The following FARP1 variants were observed in gnomAD, a reference collection of about 807,000 sequenced individuals.
FARP1 encodes FERM, ARHGEF and pleckstrin domain-containing protein 1.
A neutral mutation model predicts 128.8 loss-of-function variants in FARP1; 52 were observed. The ratio of observed to expected loss-of-function variants is 0.40; its 90% CI spans 0.32 to 0.51. The LOEUF is 0.51. FARP1 is among the 20% of genes least tolerant of loss of function. The probability of loss-of-function intolerance (pLI) is 0.45; values close to 1 mark genes in which losing one functional copy is unlikely to be tolerated. For missense variants in FARP1, 1,333 were observed against 1,367.9 expected (o/e 0.97, Z 0.40); for synonymous variants, 580 against 551.8 (o/e 1.05, Z -0.72).
chr13:98,193,470 G>A (rs548569791), intron 1 of FARP1, among the ~76,000 whole-genome samples: 1 of 151,306 alleles, frequency 6.6e-6, no homozygotes, highest in Non-Finnish European at 1.5e-5. Flanking sequence ...CTTGTGTAGA[G>A]CAATGGTGTA....
intron 19 of FARP1, among the ~76,000 whole-genome samples, chr13:98,438,257 G>A (rs1462259739): frequency 6.6e-6 from 1 of 152,162 alleles, no homozygotes; most frequent in Non-Finnish European, 1.5e-5. Context: ...TCATTGAGAA[G>A]CAGGGTTTTC....
intron 2 of FARP1, among the ~76,000 whole-genome samples, chr13:98,218,882 A>C (rs188619271): frequency 6.6e-6 from 1 of 152,202 alleles, no homozygotes; most frequent in Non-Finnish European, 1.5e-5. Context: ...GAGAAGACCT[A>C]AAGTTTTTGA....
intron 5 of FARP1, among the ~76,000 whole-genome samples, chr13:98,377,342 T>G (rs9584825): frequency 0.32 from 46,181 of 146,546 alleles, 7,880 homozygotes; most frequent in African/African-American, 0.44. Flanking sequence ...TTACAAATCT[T>G]GTAACTGGGT....
intron 2 of FARP1, among the ~76,000 whole-genome samples, chr13:98,285,241 A>T (rs1380633864): frequency 1.3e-5 from 2 of 152,146 alleles, no homozygotes; most frequent in African/African-American, 2.4e-5. Flanking sequence ...AAAAAATTTT[A>T]AAATATGGAA....
Position 98,156,539 on chromosome 13 carries a change from G to A in FARP1, c.-24+13047G>A, listed in dbSNP as rs1393976152. ...CCTCCCACTCCAGCTTTCCAAAGTG[G>A]TGGGATTACAGGCATGAGCCAGTGT... On this transcript the variant is annotated intron_variant, in intron 1 of 26. Coordinates refer to ENST00000319562, the MANE Select transcript of FARP1 (RefSeq NM_005766.4). Among the ~76,000 whole-genome samples, 13 of 152,108 alleles carry A rather than the reference G, an allele frequency of 8.5e-5. No homozygotes were observed. The South Asian group carries it at 2.7e-3, about 32-fold the overall frequency.
chr13:98,334,806 C>G (rs1187503519), intron 2 of FARP1, among the ~76,000 whole-genome samples: 6 of 152,186 alleles, frequency 3.9e-5, no homozygotes, highest in Admixed American at 6.5e-5. Context: ...TGTGAGGACA[C>G]AAGGAGAAGG....
At chr13:98,220,818 A>G (rs1881371161) in intron 2 of FARP1, among the ~76,000 whole-genome samples, 1 of 152,114 alleles carries the variant, frequency 6.6e-6, no homozygotes, top group African/African-American at 2.4e-5. Flanking sequence ...TAGCTCTGAT[A>G]TGCTTGCAGT....
rs773486104 is a variant in FARP1, at chr13:98,368,112, T to A, written c.320-5T>A. The A allele has an allele frequency of 6.2e-7, 1 of 1,612,026 alleles. No individual in the cohort carries two copies. On this transcript the variant is annotated splice_polypyrimidine_tract_variant and splice_region_variant and intron_variant, in intron 4 of 26. Coordinates refer to ENST00000319562, the MANE Select transcript of FARP1 (RefSeq NM_005766.4). ...TGCTTTACTTCTTTTTTTCTTCTTCTTTAGGGCCAAAGCACGTTGTTGTTA... is the reference window on the plus strand; with the variant it reads ...TGCTTTACTTCTTTTTTTCTTCTTCATTAGGGCCAAAGCACGTTGTTGTTA...
intron 3 of FARP1, among the ~76,000 whole-genome samples, chr13:98,352,770 G>C (rs1293282410): frequency 6.6e-6 from 1 of 152,184 alleles, no homozygotes; most frequent in African/African-American, 2.4e-5. Flanking sequence ...AGAAACTACA[G>C]GGAAGATGAT....
At chr13:98,332,582 G>A (rs1268652092) in intron 2 of FARP1, 1 of 152,220 alleles carries the variant, frequency 6.6e-6, no homozygotes, top group African/African-American at 2.4e-5. Context: ...CCGGAAAGCT[G>A]TGTTTTCATA....
At chr13:98,181,391 G>A (rs1467932649) in intron 1 of FARP1, among the ~76,000 whole-genome samples, 1 of 152,124 alleles carries the variant, frequency 6.6e-6, no homozygotes, top group Non-Finnish European at 1.5e-5. Flanking sequence ...ATAGACTTAA[G>A]TTTAGATTTT....
chr13:98,345,663 A>C (rs1393668580), intron 3 of FARP1: 2 of 152,216 alleles, frequency 1.3e-5, no homozygotes, highest in Non-Finnish European at 1.5e-5. Context: ...AGTGCTTCCT[A>C]TGTGCTGGAG....
At chr13:98,165,565 A>G (rs1877187306) in intron 1 of FARP1, among the ~76,000 whole-genome samples, 1 of 151,846 alleles carries the variant, frequency 6.6e-6, no homozygotes, top group Non-Finnish European at 1.5e-5. Flanking sequence ...GAAAATTTAC[A>G]GGGGAAAGTT....
At position 98,440,113 on chromosome 13, in the gene FARP1, C is replaced by CT. The variant is rs756082447; in HGVS notation, c.2517-9dup. ...TGTGGCCTGAACACCTGACGCGTCT[C>CT]TGTCTCCAGTTCTCGGTCCGAGATG... On this transcript the variant is annotated splice_polypyrimidine_tract_variant and intron_variant, in intron 22 of 26. Coordinates refer to ENST00000319562, the MANE Select transcript of FARP1 (RefSeq NM_005766.4). The CT allele has an allele frequency of 8.7e-6, 14 of 1,611,408 alleles. No individual in the cohort carries two copies. In the South Asian group the frequency reaches 1.5e-4, roughly 18 times the overall value.
chr13:98,444,607 C>T (rs116762320), intron 24 of FARP1, among the ~76,000 whole-genome samples: 1,528 of 152,246 alleles, frequency 0.01, 20 homozygotes, highest in African/African-American at 0.034. Flanking sequence ...AGGCTCGGCC[C>T]GGCCGTGGGG....
At chr13:98,360,121 G>T (rs1888809573) in intron 3 of FARP1, among the ~76,000 whole-genome samples, 1 of 135,244 alleles carries the variant, frequency 7.4e-6, no homozygotes, top group African/African-American at 2.8e-5. Context: ...TTTTGAGATG[G>T]AGTCTCCTCT....
At chr13:98,366,960 AAAAC>A (rs1296862686) in intron 4 of FARP1, among the ~76,000 whole-genome samples, 1 of 152,238 alleles carries the variant, frequency 6.6e-6, no homozygotes. Context: ...AGTGAAAAGT[AAAAC>A]AGACATTTTT....
At chr13:98,212,722 G>A (rs1253345252) in intron 1 of FARP1, among the ~76,000 whole-genome samples, 3 of 152,148 alleles carry the variant, frequency 2.0e-5, no homozygotes, top group African/African-American at 7.2e-5. Context: ...GCCTCTGTAT[G>A]AGTGTATGTC....
chr13:98,384,690 C>T (rs372349611), intron 6 of FARP1, 40 bp from the exon 7 acceptor site: 36 of 1,254,128 alleles, frequency 2.9e-5, no homozygotes, highest in Non-Finnish European at 3.9e-5. Flanking sequence ...TGGGAAGTGT[C>T]ATTCCTACGT....
Sources: allele counts gnomAD v4.1 joint callset (sites outside exome capture counted in the v4.1 genomes callset), GRCh38; gene constraint gnomAD v4.1.1; transcripts MANE v1.5; gene names NCBI Gene and HGNC (gene_info 2026-07-23, HGNC 2026-07-21).